The following SPTLC3 variants were observed in gnomAD, a reference collection of about 807,000 sequenced individuals.
SPTLC3 encodes the protein serine palmitoyltransferase long chain base subunit 3, also known as serine palmitoyltransferase 3.
In SPTLC3, 36 loss-of-function variants were observed where a neutral mutation model predicts 59.3. The ratio of observed to expected loss-of-function variants is 0.61; its 90% CI spans 0.47 to 0.80. The LOEUF (loss-of-function observed/expected upper bound fraction) is 0.80, where lower values mean the gene tolerates loss of function less well. SPTLC3 is among the 30% of genes least tolerant of loss of function. The probability of loss-of-function intolerance (pLI) is 0.00; values close to 1 mark genes in which losing one functional copy is unlikely to be tolerated. For missense variants in SPTLC3, 625 were observed against 685.1 expected, an observed-to-expected ratio of 0.91 and a Z score of 0.98; for synonymous variants, 257 against 240.8, an observed-to-expected ratio of 1.07 and a Z score of -0.62.
At chr20:13,093,369 A>AAAG (rs1360359483) in intron 5 of SPTLC3, 115 bp from the exon 6 acceptor site, 55 of 913,746 alleles carry the variant, frequency 6.0e-5, no homozygotes, top group Non-Finnish European at 8.4e-5. Flanking sequence ...TTTTAAAATT[A>AAAG]AAGTGAGTTT....
At chr20:13,129,309 G>C (rs1278158179) in intron 9 of SPTLC3, among the ~76,000 whole-genome samples, 1 of 152,116 alleles carries the variant, frequency 6.6e-6, no homozygotes, top group Admixed American at 6.5e-5. Flanking sequence ...TCTTAAACAG[G>C]TATCTTTTAA....
At chr20:13,029,554 A>G (rs554496471) in intron 1 of SPTLC3, among the ~76,000 whole-genome samples, 3 of 152,292 alleles carry the variant, frequency 2.0e-5, no homozygotes, top group African/African-American at 7.2e-5. Context: ...TATAATTATG[A>G]TCATGGATAT....
At chr20:13,140,345 G>A (rs1473714041) in intron 9 of SPTLC3, among the ~76,000 whole-genome samples, 1 of 152,034 alleles carries the variant, frequency 6.6e-6, no homozygotes, top group East Asian at 1.9e-4. Flanking sequence ...GTACTTTTGG[G>A]ACCATAGACG....
chr20:13,124,296 A>T (rs2037935655), intron 8 of SPTLC3, among the ~76,000 whole-genome samples: 1 of 151,782 alleles, frequency 6.6e-6, no homozygotes, highest in South Asian at 2.1e-4. Context: ...TACTTGCTGG[A>T]AGGAAAGATG....
At chr20:13,086,322 C>T (rs370390892) in intron 4 of SPTLC3, among the ~76,000 whole-genome samples, 1 of 152,112 alleles carries the variant, frequency 6.6e-6, no homozygotes, top group East Asian at 1.9e-4. Flanking sequence ...ATATGAAGAG[C>T]AGGAAGAGAA....
intron 4 of SPTLC3, among the ~76,000 whole-genome samples, chr20:13,084,565 A>G (rs911460907): frequency 1.3e-5 from 2 of 152,054 alleles, no homozygotes; most frequent in Non-Finnish European, 2.9e-5. Context: ...AAATGAAGAT[A>G]ATAATAGTAC....
At chr20:13,126,295 A>G (rs949673686) in intron 8 of SPTLC3, among the ~76,000 whole-genome samples, 1 of 152,226 alleles carries the variant, frequency 6.6e-6, no homozygotes, top group Non-Finnish European at 1.5e-5. Context: ...TAGGTACTCA[A>G]CAAATGCTTC....
At position 13,154,068 on chromosome 20, in the gene SPTLC3, G is replaced by A; in HGVS notation, c.1345G>A (p.Gly449Arg). The A allele has an allele frequency of 1.9e-6, 3 of 1,614,074 alleles. No individual in the cohort carries two copies. The highest frequency in any genetic ancestry group is 2.5e-6 in the Non-Finnish European group (3 of 1,179,982). ...CTTCAGACAAAGACTGCAGGAAATGGGATTCATTATCTATGGCAATGAGAA... is the reference window on the plus strand; with the variant it reads ...CTTCAGACAAAGACTGCAGGAAATGAGATTCATTATCTATGGCAATGAGAA... ...RYFRQRLQEM[G>R]FIIYGNENAS... The change falls in exon 10 of 12, where the codon GGA becomes AGA. Residue 449 changes from glycine (G) to arginine (R), a missense_variant. Physicochemically the swap from Gly to Arg is moderately radical, Grantham distance 125. Transcript: ENST00000399002.
At chr20:13,132,303 A>G (rs150187892) in intron 9 of SPTLC3, among the ~76,000 whole-genome samples, 152 of 149,272 alleles carry the variant, frequency 1.0e-3, no homozygotes, top group African/African-American at 3.7e-3. Context: ...CAGCCTCCTG[A>G]GTAGCTGGGA....
chr20:13,024,097 AC>A (rs1986027838), intron 1 of SPTLC3, among the ~76,000 whole-genome samples: 1 of 152,064 alleles, frequency 6.6e-6, no homozygotes, highest in Admixed American at 6.6e-5. Flanking sequence ...ACAAAAACCA[AC>A]TCCGTTGACC....
At chr20:13,078,086 T>A (rs1988709403) in intron 4 of SPTLC3, among the ~76,000 whole-genome samples, 1 of 148,510 alleles carries the variant, frequency 6.7e-6, no homozygotes, top group Non-Finnish European at 1.5e-5. Context: ...TTACTATTAC[T>A]TTATATATTT....
At chr20:13,147,774 G>T (rs1454107510) in intron 9 of SPTLC3, among the ~76,000 whole-genome samples, 1 of 152,206 alleles carries the variant, frequency 6.6e-6, no homozygotes, top group Non-Finnish European at 1.5e-5. Flanking sequence ...AGGTCATGCA[G>T]TCTGTATTCT....
chr20:13,022,443 G>A (rs1396210243), intron 1 of SPTLC3, among the ~76,000 whole-genome samples: 1 of 152,170 alleles, frequency 6.6e-6, no homozygotes, highest in Non-Finnish European at 1.5e-5. Flanking sequence ...CTGCTGGTCA[G>A]GAATTCAGAA....
At chr20:13,020,492 C>T (rs781406961) in intron 1 of SPTLC3, among the ~76,000 whole-genome samples, 4 of 152,138 alleles carry the variant, frequency 2.6e-5, no homozygotes, top group Non-Finnish European at 5.9e-5. Context: ...TGCTCCACTG[C>T]ACTCCAGCCT....
intron 6 of SPTLC3, among the ~76,000 whole-genome samples, chr20:13,102,143 GTTGT>G (rs1303619850): frequency 1.1e-4 from 16 of 152,138 alleles, no homozygotes; most frequent in Non-Finnish European, 2.1e-4. Context: ...GGCTCGAGAG[GTTGT>G]TTAAGTAAAA....
chr20:13,053,929 G>T (rs1347763164), intron 2 of SPTLC3, among the ~76,000 whole-genome samples: 1 of 152,174 alleles, frequency 6.6e-6, no homozygotes, highest in East Asian at 1.9e-4. Flanking sequence ...GTACCTGAAA[G>T]TGACAGGGAG....
At chr20:13,010,535 G>T (rs1277411951) in intron 1 of SPTLC3, among the ~76,000 whole-genome samples, 1 of 152,152 alleles carries the variant, frequency 6.6e-6, no homozygotes, top group Non-Finnish European at 1.5e-5. Context: ...ACTGTCCAAC[G>T]CTGGGAGGTG....
intron 9 of SPTLC3, among the ~76,000 whole-genome samples, chr20:13,147,759 G>A (rs969884613): frequency 7.2e-5 from 11 of 152,200 alleles, no homozygotes; most frequent in Non-Finnish European, 1.3e-4. Context: ...CTAGGAGCAT[G>A]TATGAGGTCA....
At chr20:13,108,513 C>T (rs911002460) in intron 6 of SPTLC3, among the ~76,000 whole-genome samples, 5 of 152,188 alleles carry the variant, frequency 3.3e-5, no homozygotes, top group Non-Finnish European at 5.9e-5. Context: ...AATGCACATA[C>T]GCTTCTTGAG....
Sources: allele counts gnomAD v4.1 joint callset (sites outside exome capture counted in the v4.1 genomes callset), GRCh38; gene constraint gnomAD v4.1.1; transcripts MANE v1.5; gene names NCBI Gene and HGNC (gene_info 2026-07-23, HGNC 2026-07-21).